PLPP3: variants seen among roughly 807,000 people sequenced by gnomAD.
PLPP3 encodes the protein phospholipid phosphatase 3.
Under a neutral mutation model 29.6 loss-of-function variants are expected in PLPP3, and 6 were observed. That is an observed-to-expected ratio of 0.20 (90% CI 0.11 to 0.40). The LOEUF (loss-of-function observed/expected upper bound fraction) is 0.40. PLPP3 is among the 10% of genes least tolerant of loss of function. The pLI is 1.00. For missense variants in PLPP3, 308 were observed against 407.7 expected, an observed-to-expected ratio of 0.76 and a Z score of 2.11; for synonymous variants, 152 against 159.7, an observed-to-expected ratio of 0.95 and a Z score of 0.36.
At chr1:56,527,519 T>C (rs57966457) in intron 2 of PLPP3, among the ~76,000 whole-genome samples, 15,057 of 152,152 alleles carry the variant, frequency 0.099, 1,676 homozygotes, top group African/African-American at 0.27. Flanking sequence ...ATTTCTATTG[T>C]TATTAAAACC....
At chr1:56,537,258 A>G (rs1348451238) in intron 1 of PLPP3, 146 bp from the exon 2 acceptor site, 3 of 951,450 alleles carry the variant, frequency 3.2e-6, no homozygotes, top group Non-Finnish European at 4.6e-6. Flanking sequence ...GTAGAGATCT[A>G]CTGCCTAGAG....
intron 1 of PLPP3, among the ~76,000 whole-genome samples, chr1:56,556,996 A>G (rs1218434747): frequency 1.5e-4 from 3 of 19,374 alleles, no homozygotes; most frequent in African/African-American, 5.5e-4. Flanking sequence ...GAAAGAAAGA[A>G]AGAAAGAAAG....
chr1:56,560,108 A>G (rs1421389830), intron 1 of PLPP3, among the ~76,000 whole-genome samples: 2 of 152,186 alleles, frequency 1.3e-5, no homozygotes, highest in African/African-American at 2.4e-5. Flanking sequence ...TATACAGAGT[A>G]TACATTGTAT....
intron 1 of PLPP3, among the ~76,000 whole-genome samples, chr1:56,553,402 C>T (rs1646053300): frequency 6.6e-6 from 1 of 152,148 alleles, no homozygotes; most frequent in African/African-American, 2.4e-5. Context: ...CTGGCTCCTG[C>T]TAACCCAGGT....
At chr1:56,571,469 C>T (rs1402862318) in intron 1 of PLPP3, among the ~76,000 whole-genome samples, 15 of 152,174 alleles carry the variant, frequency 9.9e-5, no homozygotes, top group Non-Finnish European at 2.1e-4. Context: ...CACCTCTCTC[C>T]CTTCCCCAGC....
chr1:56,532,902 G>C (rs1201796189), intron 2 of PLPP3, among the ~76,000 whole-genome samples: 1 of 152,054 alleles, frequency 6.6e-6, no homozygotes, highest in East Asian at 1.9e-4. Context: ...CAGCCACAGA[G>C]GTGGGCCCAG....
At chr1:56,500,781 G>C (rs1645661984) in intron 5 of PLPP3, among the ~76,000 whole-genome samples, 1 of 151,982 alleles carries the variant, frequency 6.6e-6, no homozygotes, top group Non-Finnish European at 1.5e-5. Flanking sequence ...GAGGCAGGTG[G>C]ATCATCTGAG....
intron 5 of PLPP3, among the ~76,000 whole-genome samples, chr1:56,507,974 A>C (rs185612817): frequency 6.6e-6 from 1 of 152,280 alleles, no homozygotes; most frequent in Admixed American, 6.5e-5. Flanking sequence ...AAGAAAACAG[A>C]TCTCCCCTTA....
intron 4 of PLPP3, among the ~76,000 whole-genome samples, chr1:56,515,177 T>G (rs375592714): frequency 6.6e-6 from 1 of 152,246 alleles, no homozygotes; most frequent in Non-Finnish European, 1.5e-5. Context: ...TTAGAGGCTG[T>G]GGTCCAGGTT....
rs1309537722 is a variant in PLPP3, at chr1:56,557,034, G to GAA, written c.140-19923_140-19922insTT. ...AGAGAGAGAGAGAGAGAAAGAGAGA[G>GAA]AGAGAGAGAGAGAGAGAGAGAGAGA... On this transcript the variant is annotated intron_variant, in intron 1 of 5. Transcript: ENST00000371250. 1.5e-3 allele frequency among the ~76,000 whole-genome samples: 39 copies of GAA among 25,928 alleles called. 10 individuals are homozygous for GAA. Among genetic ancestry groups the GAA allele is most frequent in the African/African-American group, 2.0e-3 (20 of 9,988 alleles). The allele number at this position is 25,928 out of a possible 152,430, so 17.0% of individuals were successfully genotyped here. A position where few individuals can be genotyped will look rare whatever the true frequency, so the allele number is the denominator to read the frequency against.
chr1:56,527,493 C>T (rs1305065063), intron 2 of PLPP3, among the ~76,000 whole-genome samples: 2 of 152,124 alleles, frequency 1.3e-5, no homozygotes, highest in African/African-American at 2.4e-5. Context: ...GCAGACTACA[C>T]TGAGATAATT....
intron 1 of PLPP3, among the ~76,000 whole-genome samples, chr1:56,566,220 AG>A (rs1646161120): frequency 6.6e-6 from 1 of 152,216 alleles, no homozygotes; most frequent in African/African-American, 2.4e-5. Flanking sequence ...ACGACGCTTC[AG>A]GGGTTGCCAA....
At chr1:56,561,763 G>A (rs552505096) in intron 1 of PLPP3, among the ~76,000 whole-genome samples, 38 of 152,056 alleles carry the variant, frequency 2.5e-4, no homozygotes, top group Non-Finnish European at 5.0e-4. Context: ...GGCTGAGCAC[G>A]GTGGCTCACG....
intron 2 of PLPP3, among the ~76,000 whole-genome samples, chr1:56,526,095 T>C (rs901958975): frequency 6.6e-6 from 1 of 152,206 alleles, no homozygotes; most frequent in Non-Finnish European, 1.5e-5. Flanking sequence ...AATTCTGTAT[T>C]AGAGGAACAT....
At chr1:56,557,001 A>AGAAAGAAAGAAG (rs1646082695) in intron 1 of PLPP3, among the ~76,000 whole-genome samples, 1 of 7,466 alleles carries the variant, frequency 1.3e-4, no homozygotes, top group Non-Finnish European at 3.7e-4. Flanking sequence ...AAAGAAAGAA[A>AGAAAGAAAGAAG]GAAAGAAAGA....
At chr1:56,557,315 T>C (rs773172342) in intron 1 of PLPP3, among the ~76,000 whole-genome samples, 5 of 151,008 alleles carry the variant, frequency 3.3e-5, no homozygotes, top group Non-Finnish European at 5.9e-5. Context: ...GAGGCAGAGG[T>C]TGCAGTGAGC....
chr1:56,559,498 C>T (rs1284565109), intron 1 of PLPP3, among the ~76,000 whole-genome samples: 2 of 151,930 alleles, frequency 1.3e-5, no homozygotes, highest in African/African-American at 4.8e-5. Context: ...GTGATCCTCC[C>T]ACCTCGGCCT....
At chr1:56,560,661 C>T (rs1260153385) in intron 1 of PLPP3, among the ~76,000 whole-genome samples, 2 of 152,122 alleles carry the variant, frequency 1.3e-5, no homozygotes, top group African/African-American at 4.8e-5. Flanking sequence ...CTTAAAGCCC[C>T]CCCACCTTCC....
At chr1:56,531,113 C>T (rs76877758) in intron 2 of PLPP3, among the ~76,000 whole-genome samples, 32 of 152,100 alleles carry the variant, frequency 2.1e-4, no homozygotes, top group African/African-American at 7.2e-4. Flanking sequence ...TTATATGAGA[C>T]GAGTGCTCAG....
Sources: allele counts gnomAD v4.1 joint callset (sites outside exome capture counted in the v4.1 genomes callset), GRCh38; gene constraint gnomAD v4.1.1; transcripts MANE v1.5; gene names NCBI Gene and HGNC (gene_info 2026-07-23, HGNC 2026-07-21).